CNTN2: variants seen among roughly 807,000 people sequenced by gnomAD.
CNTN2 encodes the protein contactin-2.
In CNTN2, 53 loss-of-function variants were observed where a neutral mutation model predicts 117.5. The observed-to-expected ratio is 0.45, with a 90% CI of 0.36 to 0.57. The LOEUF is 0.57. Ranked by LOEUF, CNTN2 falls within the 20% of genes least tolerant of loss-of-function variation. The pLI, the probability that CNTN2 is intolerant of heterozygous loss-of-function variation, is 0.00. For synonymous variants in CNTN2, 530 were observed against 561.7 expected (o/e 0.94, Z 0.80); for missense variants, 1,106 against 1,404.3 (o/e 0.79, Z 3.39).
Position 205,069,560 on chromosome 1 carries a change from C to T in CNTN2, c.2195C>T (p.Thr732Met). 1 of 1,612,844 alleles carries T rather than the reference C, an allele frequency of 6.2e-7. No homozygotes were observed. Among genetic ancestry groups the T allele is most frequent in the Non-Finnish European group, 8.5e-7 (1 of 1,179,980 alleles). ...GAPGELIVNW[T>M]PMSREYQNGD... ...CCCGGAGAGCTCATCGTCAACTGGA[C>T]GGTAAGCTGCAAGGGTCAGATGTCC... Residue 732 changes from threonine to methionine, a missense_variant and splice_region_variant, in exon 17 of 23, where the codon ACG becomes ATG. Physicochemically the swap from Thr to Met is moderately conservative, Grantham distance 81. Coordinates refer to ENST00000331830, the MANE Select transcript of CNTN2 (RefSeq NM_005076.5).
chr1:205,057,865 G>C, intron 2 of CNTN2, 56 bp from the exon 3 acceptor site: 1 of 1,587,410 alleles, frequency 6.3e-7, no homozygotes, highest in South Asian at 1.1e-5. Flanking sequence ...AGCCCAAGAG[G>C]CCAGGCTCCA....
At chr1:205,051,328 C>T (rs1160504316) in intron 1 of CNTN2, among the ~76,000 whole-genome samples, 1 of 152,196 alleles carries the variant, frequency 6.6e-6, no homozygotes, top group Non-Finnish European at 1.5e-5. Flanking sequence ...TTTGCGTAGA[C>T]AGGGGCATCT....
chr1:205,053,490 A>G (rs1320455613), intron 2 of CNTN2, among the ~76,000 whole-genome samples: 1 of 152,224 alleles, frequency 6.6e-6, no homozygotes, highest in African/African-American at 2.4e-5. Flanking sequence ...AATGACCCAG[A>G]GAGGGTGAGT....
rs761747942 is a variant in CNTN2 at position 205,071,937 on chromosome 1, C to T, written c.2545-10C>T. On this transcript the variant is annotated splice_polypyrimidine_tract_variant and intron_variant, in intron 19 of 22. Coordinates refer to ENST00000331830, the MANE Select transcript of CNTN2 (RefSeq NM_005076.5). ...GACTACTACCCCTTGGGTACCCCCG[C>T]CTCCTTCAGATCCGCTACTGGAAAG... The T allele has an allele frequency of 1.7e-5, 27 of 1,605,858 alleles. 1 individual carries two copies. Among genetic ancestry groups the T allele is most frequent in the Non-Finnish European group, 2.1e-5 (25 of 1,176,452 alleles).
At chr1:205,044,053 T>C (rs1257886635) in intron 1 of CNTN2, among the ~76,000 whole-genome samples, 1 of 152,024 alleles carries the variant, frequency 6.6e-6, no homozygotes, top group African/African-American at 2.4e-5. Context: ...TTCCTTTCCT[T>C]CCCTTCCCCC....
Position 205,065,902 on chromosome 1 carries a change from G to A in CNTN2, c.1809G>A (p.Leu603=). 6.2e-7 allele frequency: 1 copy of A among 1,611,426 alleles called. No homozygotes were observed. The highest frequency in any genetic ancestry group is 8.5e-7 in the Non-Finnish European group (1 of 1,178,546). The change falls in exon 14 of 23, where the codon CTG becomes CTA. Residue 603 remains leucine, a synonymous_variant. Transcript: ENST00000331830. The surrounding 1 kb of genome is among the most constrained non-coding windows in gnomAD (Gnocchi z 4.1). ...VDSASKEATV[L]VRGPPGPPGG... is the part of the protein sequence containing the mutation. Reference sequence around the variant, plus strand: ...GCGCGTCCAAGGAGGCCACAGTCCTGGTCCGAGGTGAGGGGTTTCCCACCT... The same window carrying A: ...GCGCGTCCAAGGAGGCCACAGTCCTAGTCCGAGGTGAGGGGTTTCCCACCT...
Position 205,073,235 on chromosome 1 carries a change from A to G in CNTN2, c.3012A>G (p.Gly1004=). Residue 1004 remains glycine, a splice_region_variant and synonymous_variant, in exon 22 of 23, where the codon GGA becomes GGG. Coordinates refer to ENST00000331830, the MANE Select transcript of CNTN2 (RefSeq NM_005076.5). The surrounding 1 kb of genome is among the most constrained non-coding windows in gnomAD (Gnocchi z 6.3). The stretch of plus-strand genomic sequence containing the variant: ...CAGAAGTCCACATCGTGAGGAATGG[A>G]GGTGCTGCTCCTCCCCTACCCTTAT... ...IPAEVHIVRN[G]GTSMMVENMA... The G allele has an allele frequency of 6.2e-7, 1 of 1,613,846 alleles. No individual in the cohort carries two copies. Among genetic ancestry groups the G allele is most frequent in the Non-Finnish European group, 8.5e-7 (1 of 1,179,932 alleles).
Position 205,050,117 on chromosome 1 carries a change from G to A in CNTN2, c.-86-2983G>A, listed in dbSNP as rs541960312. 4.6e-5 allele frequency among the ~76,000 whole-genome samples: 7 copies of A among 152,346 alleles called. No homozygotes were observed. In the South Asian group the frequency reaches 1.2e-3, roughly 27 times the overall value. On this transcript the variant is annotated intron_variant, in intron 1 of 22. Transcript: ENST00000331830. ...CTATCCCAGCTCACGAAGCTGTTCA[G>A]AGATGAAGTCAATATTAACAACTCC...
At chr1:205,051,874 A>G (rs1452554940) in intron 1 of CNTN2, among the ~76,000 whole-genome samples, 1 of 152,230 alleles carries the variant, frequency 6.6e-6, no homozygotes, top group African/African-American at 2.4e-5. Flanking sequence ...CAGCCCCTGC[A>G]CAGGCCTGAG....
rs1654178955 is a variant in CNTN2, at chr1:205,064,628, CTG to C, written c.1399_1400del (p.Val467AsnfsTer16). The C allele has an allele frequency of 6.2e-7, 1 of 1,614,112 alleles. No homozygotes were observed. Among genetic ancestry groups the C allele is most frequent in the Non-Finnish European group, 8.5e-7 (1 of 1,179,976 alleles). On this transcript the variant is annotated frameshift_variant, in exon 12 of 23. Transcript: ENST00000331830. LOFTEE classifies it high-confidence loss of function. ...CTGCCTTGTCCTTGCCACAGAGTGA[CTG>C]TAACTCCAGATGGCACCTTGATCAT...
intron 20 of CNTN2, 71 bp from the exon 21 acceptor site, chr1:205,072,412 G>A (rs544609739): frequency 9.3e-6 from 12 of 1,288,666 alleles, no homozygotes; most frequent in South Asian, 1.2e-5. Flanking sequence ...GAGAAGGGCT[G>A]GTTAAAGGTG....
In CNTN2 at chr1:205,065,308, G is replaced by C. The variant is rs1241090844; in HGVS notation, c.1695+46G>C. ...CCCATGGCTTCTCCCTCCTTCTAGA[G>C]AGACAGGGGCCCCAAGATGTCCTTA... On this transcript the variant is annotated intron_variant, in intron 13 of 22. Transcript: ENST00000331830. This position sits in a 1 kb window ranked among gnomAD's most constrained non-coding sequence, Gnocchi z 4.1. The C allele has an allele frequency of 6.2e-7, 1 of 1,603,964 alleles. No homozygotes were observed. Among genetic ancestry groups the C allele is most frequent in the South Asian group, 1.1e-5 (1 of 90,198 alleles).
At chr1:205,050,338 T>A (rs187312421) in intron 1 of CNTN2, among the ~76,000 whole-genome samples, 1 of 151,584 alleles carries the variant, frequency 6.6e-6, no homozygotes, top group Admixed American at 6.6e-5. Flanking sequence ...AGAGAGTTTG[T>A]CTTGGGGCTG....
At chr1:205,051,081 C>T (rs1432721625) in intron 1 of CNTN2, among the ~76,000 whole-genome samples, 4 of 152,214 alleles carry the variant, frequency 2.6e-5, no homozygotes, top group Admixed American at 2.6e-4. Context: ...ATCATGTGTG[C>T]CCACGCATGT....
At chr1:205,067,422 A>C (rs1249474941) in intron 16 of CNTN2, 172 bp downstream of exon 16, 2 of 654,356 alleles carry the variant, frequency 3.1e-6, no homozygotes, top group East Asian at 6.0e-5. Context: ...GGGCCACTGC[A>C]TGGACAAACC....
intron 16 of CNTN2, chr1:205,068,226 G>A (rs3767298): frequency 0.18 from 26,823 of 152,090 alleles, 2,616 homozygotes; most frequent in East Asian, 0.4. Flanking sequence ...CGAGCCATTC[G>A]CAGGGGAAGG....
In CNTN2 at chr1:205,064,449, G is replaced by T; in HGVS notation, c.1368G>T (p.Thr456=). 1 of 1,610,664 alleles carries T rather than the reference G, an allele frequency of 6.2e-7. No homozygotes were observed. The highest frequency in any genetic ancestry group is 8.5e-7 in the Non-Finnish European group (1 of 1,177,222). ...CCGTGGTGCTCTGGAGCAAAGGCACGGAGATTTTGGTCAACAGCAGCAGGT... is the reference window on the plus strand; with the variant it reads ...CCGTGGTGCTCTGGAGCAAAGGCACTGAGATTTTGGTCAACAGCAGCAGGT... ...PKAVVLWSKG[T]EILVNSSRVT... is the part of the protein sequence containing the mutation. The change falls in exon 11 of 23, where the codon ACG becomes ACT. Residue 456 remains threonine, a synonymous_variant. Coordinates refer to ENST00000331830, the MANE Select transcript of CNTN2 (RefSeq NM_005076.5).
intron 1 of CNTN2, among the ~76,000 whole-genome samples, chr1:205,044,586 A>G (rs2096438097): frequency 6.6e-6 from 1 of 152,148 alleles, no homozygotes; most frequent in Non-Finnish European, 1.5e-5. Context: ...GAACAGCCCA[A>G]GAAACCCAGT....
At position 205,064,641 on chromosome 1, in the gene CNTN2, T is replaced by A. The variant is rs369605297; in HGVS notation, c.1410T>A (p.Asp470Glu). 1 of 1,614,030 alleles carries A rather than the reference T, an allele frequency of 6.2e-7. No homozygotes were observed. Among genetic ancestry groups the A allele is most frequent in the African/African-American group, 1.3e-5 (1 of 74,910 alleles). Residue 470 changes from aspartate (D) to glutamate (E), a missense_variant, in exon 12 of 23, where the codon GAT (aspartate) becomes GAA (glutamate). By Grantham distance (45) the Asp-to-Glu change is conservative. Transcript: ENST00000331830. ...GCCACAGAGTGACTGTAACTCCAGA[T>A]GGCACCTTGATCATAAGAAACATCA... ...VNSSRVTVTP[D>E]GTLIIRNISR... is the part of the protein sequence containing the mutation.
Sources: gnomAD v4.1 joint callset for allele counts (sites outside exome capture counted in the v4.1 genomes callset) on GRCh38, gnomAD v4.1.1 for gene constraint, Gnocchi (gnomAD v3.1) non-coding constraint, MANE v1.5 for transcripts, NCBI Gene and HGNC (gene_info 2026-07-23, HGNC 2026-07-21) for gene names.